Variants in PPP2R3B observed in about 807,000 individuals in gnomAD.
The protein encoded by PPP2R3B is serine/threonine-protein phosphatase 2A regulatory subunit B'' subunit beta.
In PPP2R3B, 68 loss-of-function variants were observed where a neutral mutation model predicts 72.9. The observed-to-expected ratio is 0.93, with a 90% CI of 0.77 to 1.14. PPP2R3B has a LOEUF of 1.14. Ranked by LOEUF, PPP2R3B falls within the 50% of genes most tolerant of loss-of-function variation. The pLI, the probability that PPP2R3B is intolerant of heterozygous loss-of-function variation, is 0.00. For missense variants in PPP2R3B, 1,018 were observed against 842.0 expected (o/e 1.21, Z -2.59); for synonymous variants, 466 against 375.8 (o/e 1.24, Z -2.78).
intron 1 of PPP2R3B, among the ~76,000 whole-genome samples, chrX:363,605 A>ATATCCACGAGTCCACG (rs1569404129): frequency 0.015 from 77 of 5,248 alleles, no homozygotes; most frequent in South Asian, 0.019. Context: ...CCGTGCCCGC[A>ATATCCACGAGTCCACG]ATCCCACAAT....
chrX:341,657 C>T (rs1246547728), intron 8 of PPP2R3B: 2 of 651,958 alleles, frequency 3.1e-6, no homozygotes, highest in Non-Finnish European at 5.4e-6. Flanking sequence ...GAACCCCCGA[C>T]CTGGGGCCTG....
chrX:343,786 GGAGACCTCACCAAGGAGACGCGGGAGT>G (rs1280302974), intron 7 of PPP2R3B, among the ~76,000 whole-genome samples: 3 of 16,380 alleles, frequency 1.8e-4, no homozygotes, highest in Non-Finnish European at 4.0e-4. Flanking sequence ...AGGGGGGGAG[GGAGACCTCACCAAGGAGACGCGGGAGT>G]GAGACCTCAG....
intron 7 of PPP2R3B, chrX:342,229 G>C: frequency 1.8e-6 from 1 of 569,970 alleles, no homozygotes; most frequent in Non-Finnish European, 3.1e-6. Context: ...TTCAGACGGA[G>C]AGAGAGACCT....
chrX:379,963 G>A (rs2072087561), intron 1 of PPP2R3B, among the ~76,000 whole-genome samples: 1 of 152,146 alleles, frequency 6.6e-6, no homozygotes, highest in Non-Finnish European at 1.5e-5. Flanking sequence ...TAATAAAACA[G>A]ACGTACGTAC....
Position 341,900 on chromosome X carries a change from G to A in PPP2R3B, c.1068C>T (p.Phe356=). Reference sequence around the variant, plus strand: ...GTACGTACCGTGTGACTGCTCCTGAGAAGATCCTGTCTATCATCTTGGTAG... The same window carrying A: ...GTACGTACCGTGTGACTGCTCCTGAAAAGATCCTGTCTATCATCTTGGTAG... The part of the protein sequence containing the change: ...ALSTKMIDRI[F]SGAVTRGRKV... Residue 356 remains phenylalanine (F), a synonymous_variant, in exon 8 of 13, where the codon TTC becomes TTT. Transcript: ENST00000390665. 2 of 1,612,746 alleles carry A rather than the reference G, an allele frequency of 1.2e-6. No homozygotes were observed. The highest frequency in any genetic ancestry group is 1.7e-6 in the Non-Finnish European group (2 of 1,179,768).
intron 1 of PPP2R3B, chrX:373,590 C>A: frequency 3.4e-6 from 1 of 291,388 alleles, no homozygotes; most frequent in Non-Finnish European, 7.3e-6. Flanking sequence ...GTCGCAGCCG[C>A]GGGCCAGTGA....
chrX:345,569 G>A lies in PPP2R3B; in HGVS notation c.983C>T (p.Thr328Met), dbSNP rs760845571. ...CGCGTCGATGAGCAGGTCGTGGTCCGTGTCCAGCTCCCAGAACTTGCAGTA... is the reference window on the plus strand; with the variant it reads ...CGCGTCGATGAGCAGGTCGTGGTCCATGTCCAGCTCCCAGAACTTGCAGTA... ...VIYCKFWELD[T>M]DHDLLIDADD... Residue 328 changes from threonine to methionine, a missense_variant, in exon 7 of 13, where the codon ACG (threonine) becomes ATG (methionine). By Grantham distance (81) the Thr-to-Met change is moderately conservative. Coordinates refer to ENST00000390665, the MANE Select transcript of PPP2R3B (RefSeq NM_013239.5). 1.9e-5 allele frequency: 31 copies of A among 1,613,216 alleles called. 1 individual carries two copies. The highest frequency in any genetic ancestry group is 1.5e-4 in the South Asian group (14 of 91,074).
At chrX:345,119 G>A (rs1159606184) in intron 7 of PPP2R3B, 2 of 486,064 alleles carry the variant, frequency 4.1e-6, no homozygotes, top group African/African-American at 1.9e-5. Context: ...CACCTAGCCC[G>A]GGATTGGATG....
chrX:364,586 AG>A (rs2071653595), intron 1 of PPP2R3B, among the ~76,000 whole-genome samples: 1 of 121,576 alleles, frequency 8.2e-6, no homozygotes, highest in Non-Finnish European at 1.7e-5. Context: ...GGTGTGGTGG[AG>A]GGTGCCTGTA....
intron 1 of PPP2R3B, among the ~76,000 whole-genome samples, chrX:374,777 T>C (rs1163439459): frequency 2.6e-5 from 4 of 152,162 alleles, no homozygotes; most frequent in Non-Finnish European, 5.9e-5. Context: ...GTCAACAGCG[T>C]GCACTGGGCT....
intron 1 of PPP2R3B, among the ~76,000 whole-genome samples, chrX:372,477 CCT>C (rs1263259376): frequency 1.3e-5 from 2 of 152,122 alleles, no homozygotes; most frequent in African/African-American, 4.8e-5. Context: ...CCACGCACAC[CCT>C]GTCTGGATGA....
At chrX:376,401 G>T (rs1281290028) in intron 1 of PPP2R3B, among the ~76,000 whole-genome samples, 1 of 152,170 alleles carries the variant, frequency 6.6e-6, no homozygotes, top group African/African-American at 2.4e-5. Flanking sequence ...TACACCGGAT[G>T]GGGGAGGGAC....
chrX:385,642 T>C (rs1382085217), intron 1 of PPP2R3B, among the ~76,000 whole-genome samples: 5 of 151,546 alleles, frequency 3.3e-5, no homozygotes, highest in Non-Finnish European at 5.9e-5. Flanking sequence ...AATAAATAAA[T>C]AAACAAAAAT....
At chrX:357,219 C>T (rs761907924) in intron 2 of PPP2R3B, among the ~76,000 whole-genome samples, 9 of 152,070 alleles carry the variant, frequency 5.9e-5, no homozygotes, top group Admixed American at 2.0e-4. Context: ...AAAGGAGGCA[C>T]GTGGGACACC....
chrX:338,143 G>C (rs2738382), intron 12 of PPP2R3B: 169,979 of 228,594 alleles, frequency 0.74, 64,201 homozygotes, highest in Middle Eastern at 0.85. Flanking sequence ...GGGTTTGTAT[G>C]CTGAAGACAC....
rs370759694 is a variant in PPP2R3B, at chrX:334,514, G to A, written c.1581C>T (p.Phe527=). 4.7e-5 allele frequency: 72 copies of A among 1,541,464 alleles called. No homozygotes were observed. The Middle Eastern group carries it at 5.7e-4, about 12-fold the overall frequency. Reference sequence around the variant, plus strand: ...GCTCCACAGGGCTGAGCTCGGCCTCGAACCTGCAACGAGGGGATGGCGAAG... The same window carrying A: ...GCTCCACAGGGCTGAGCTCGGCCTCAAACCTGCAACGAGGGGATGGCGAAG... ...ETAGEPWEDG[F]EAELSPVEQK... Residue 527 remains phenylalanine, a synonymous_variant, in exon 13 of 13, where the codon TTC becomes TTT. Transcript: ENST00000390665.
At chrX:335,002 G>A (rs2070850447) in intron 12 of PPP2R3B, 1 of 154,006 alleles carries the variant, frequency 6.5e-6, no homozygotes, top group African/African-American at 2.4e-5. Flanking sequence ...TCTCGGCAGT[G>A]ACGTCGGGCG....
intron 5 of PPP2R3B, 187 bp from the exon 6 acceptor site, chrX:346,447 G>A (rs754183375): frequency 4.6e-6 from 3 of 648,842 alleles, no homozygotes; most frequent in Admixed American, 6.2e-5. Context: ...AGCGGGGAGG[G>A]TCTGGCCGGG....
At chrX:364,303 C>A (rs1251170609) in intron 1 of PPP2R3B, among the ~76,000 whole-genome samples, 5 of 151,978 alleles carry the variant, frequency 3.3e-5, no homozygotes, top group African/African-American at 2.4e-5. Flanking sequence ...GGGGAGTTCT[C>A]CCCCGAGAAC....
Sources: allele counts gnomAD v4.1 joint callset (sites outside exome capture counted in the v4.1 genomes callset), GRCh38; gene constraint gnomAD v4.1.1; transcripts MANE v1.5; gene names NCBI Gene and HGNC (gene_info 2026-07-23, HGNC 2026-07-21).